RUFY2: variants seen among roughly 807,000 people sequenced by gnomAD.
The protein encoded by RUFY2 is RUN and FYVE domain containing 2.
Under a neutral mutation model 94.4 loss-of-function variants are expected in RUFY2, and 49 were observed. The ratio of observed to expected loss-of-function variants is 0.52; its 90% CI spans 0.41 to 0.66. The LOEUF (loss-of-function observed/expected upper bound fraction) is 0.66. RUFY2 is among the 30% of genes least tolerant of loss of function. The pLI is 0.00. For missense variants in RUFY2, 541 were observed against 692.8 expected (o/e 0.78, Z 2.46); for synonymous variants, 255 against 235.7 (o/e 1.08, Z -0.75).
chr10:68,401,301 T>C (rs1054405556), intron 3 of RUFY2, among the ~76,000 whole-genome samples: 2 of 152,176 alleles, frequency 1.3e-5, no homozygotes, highest in African/African-American at 2.4e-5. Flanking sequence ...ACTGACTTTC[T>C]ACTACAGGCA....
At chr10:68,347,094 C>A (rs2046329450) in intron 16 of RUFY2, among the ~76,000 whole-genome samples, 1 of 151,816 alleles carries the variant, frequency 6.6e-6, no homozygotes, top group African/African-American at 2.4e-5. Context: ...TGCCACTGCA[C>A]TCGAGCCTGA....
At chr10:68,385,099 T>C (rs2049383082) in intron 8 of RUFY2, among the ~76,000 whole-genome samples, 1 of 152,022 alleles carries the variant, frequency 6.6e-6, no homozygotes, top group South Asian at 2.1e-4. Context: ...CCGTCTCTAC[T>C]AAAAATACAA....
At chr10:68,341,285 A>T (rs1238023875), downstream of RUFY2, 1 of 1,601,536 alleles carries the variant, frequency 6.2e-7, no homozygotes, top group Admixed American at 1.8e-5. Flanking sequence ...AGTAGCTGCC[A>T]TGTCTAAAGA....
At chr10:68,349,738 C>T (rs1368139590) in intron 16 of RUFY2, among the ~76,000 whole-genome samples, 3 of 151,992 alleles carry the variant, frequency 2.0e-5, no homozygotes, top group Non-Finnish European at 2.9e-5. Flanking sequence ...CGGGGTTTCA[C>T]CGTGTTAGCC....
At chr10:68,390,174 C>T (rs76097581) in intron 7 of RUFY2, among the ~76,000 whole-genome samples, 4,354 of 152,130 alleles carry the variant, frequency 0.029, 208 homozygotes, top group African/African-American at 0.099. Flanking sequence ...ATATTTCCTA[C>T]GATTTCTATT....
At chr10:68,348,088 C>CT (rs771236268) in intron 16 of RUFY2, among the ~76,000 whole-genome samples, 1 of 151,560 alleles carries the variant, frequency 6.6e-6, no homozygotes, top group Non-Finnish European at 1.5e-5. Flanking sequence ...AAGCCTAACT[C>CT]TCCTTAGAAC....
intron 13 of RUFY2, among the ~76,000 whole-genome samples, chr10:68,376,489 T>TATATTC (rs58358117): frequency 0.037 from 1,902 of 51,704 alleles, 471 homozygotes; most frequent in Middle Eastern, 0.091. Context: ...TATATATATA[T>TATATTC]ATTCTCAGAA....
chr10:68,379,465 T>C lies in RUFY2; in HGVS notation c.1164A>G (p.Lys388=), dbSNP rs1256568611. 2 of 1,613,332 alleles carry C rather than the reference T, an allele frequency of 1.2e-6. No homozygotes were observed. Among genetic ancestry groups the C allele is most frequent in the Non-Finnish European group, 1.7e-6 (2 of 1,179,820 alleles). Residue 388 remains lysine, a synonymous_variant, in exon 12 of 18, where the codon AAA becomes AAG. Coordinates refer to ENST00000602465, the MANE Select transcript of RUFY2 (RefSeq NM_001330103.2). ...KNEIIARLEE[K]TNKITAAMRQ... is the part of the protein sequence containing the mutation. ...TCATGGCTGCAGTAATTTTATTGGT[T>C]TTTTCTTCTAGTCGGGCAATTATTT...
chr10:68,369,801 A>T (rs1391115049), intron 13 of RUFY2, among the ~76,000 whole-genome samples: 1 of 151,744 alleles, frequency 6.6e-6, no homozygotes, highest in East Asian at 1.9e-4. Context: ...AGCCAGTTTG[A>T]CTCTCGGTAC....
intron 10 of RUFY2, among the ~76,000 whole-genome samples, chr10:68,381,984 A>C (rs2049094602): frequency 6.6e-6 from 1 of 152,232 alleles, no homozygotes; most frequent in Non-Finnish European, 1.5e-5. Flanking sequence ...ATTTTCCTTA[A>C]ACAAAAGGAA....
At chr10:68,376,686 GTATTATTACAATTA>G (rs2048704093) in intron 13 of RUFY2, among the ~76,000 whole-genome samples, 153 bp downstream of exon 13, 1 of 150,832 alleles carries the variant, frequency 6.6e-6, no homozygotes, top group Non-Finnish European at 1.5e-5. Flanking sequence ...AAAAACATAA[GTATTATTACAATTA>G]TATTTTCTAA....
Position 68,407,083 on chromosome 10 carries a change from G to A in RUFY2, c.4+103C>T, listed in dbSNP as rs549572331. ...CTGGGTTCGGGCCCCAGTTCCGACT[G>A]GCGGCCTCGGCGTCTCCCCCAGCTC... On this transcript the variant is annotated intron_variant, in intron 1 of 17. Coordinates refer to ENST00000602465, the MANE Select transcript of RUFY2 (RefSeq NM_001330103.2). The A allele has an allele frequency of 3.8e-5, 57 of 1,495,014 alleles. No homozygotes were observed. The African/African-American group carries it at 7.6e-4, about 20-fold the overall frequency. 92.6% of individuals were successfully genotyped at this position (1,495,014 alleles called of 1,614,324 possible).
chr10:68,367,981 T>C (rs2047981095), intron 13 of RUFY2, among the ~76,000 whole-genome samples: 1 of 151,386 alleles, frequency 6.6e-6, no homozygotes. Flanking sequence ...TTTTTTTTTT[T>C]TTGAGACGGA....
intron 3 of RUFY2, among the ~76,000 whole-genome samples, chr10:68,400,433 T>C (rs2050728512): frequency 1.3e-5 from 2 of 151,920 alleles, no homozygotes; most frequent in Admixed American, 6.6e-5. Context: ...TCCCAGCACT[T>C]TGGGAGGCCA....
intron 15 of RUFY2, 151 bp downstream of exon 15, chr10:68,363,439 C>A (rs749568795): frequency 8.6e-6 from 4 of 463,124 alleles, no homozygotes; most frequent in South Asian, 5.2e-5. Context: ...CCAGGAATTA[C>A]AAAGTGCGGG....
rs531074291 is a variant in RUFY2 at position 68,382,583 on chromosome 10, G to A, written c.940-1184C>T. 1.5e-4 allele frequency among the ~76,000 whole-genome samples: 22 copies of A among 151,074 alleles called. No individual in the cohort carries two copies. The East Asian group carries it at 2.6e-3, about 18-fold the overall frequency. On this transcript the variant is annotated intron_variant, in intron 10 of 17. Transcript: ENST00000602465. ...CAAAAAATTAGCCGGGCGTGGTGGCGGGCGCCTATAGTCCCAGCTACTCGG... is the reference window on the plus strand; with the variant it reads ...CAAAAAATTAGCCGGGCGTGGTGGCAGGCGCCTATAGTCCCAGCTACTCGG...
chr10:68,369,404 G>A (rs2048089859), intron 13 of RUFY2, among the ~76,000 whole-genome samples: 1 of 151,028 alleles, frequency 6.6e-6, no homozygotes, highest in Non-Finnish European at 1.5e-5. Context: ...AGGATTGCCT[G>A]AACTGGGGAG....
intron 6 of RUFY2, among the ~76,000 whole-genome samples, chr10:68,393,612 C>T (rs2050162904): frequency 6.6e-6 from 1 of 151,874 alleles, no homozygotes; most frequent in Non-Finnish European, 1.5e-5. Flanking sequence ...GCCTGTAATT[C>T]CAGCTACTGG....
intron 7 of RUFY2, among the ~76,000 whole-genome samples, chr10:68,386,724 A>G (rs1210065780): frequency 6.6e-6 from 1 of 152,220 alleles, no homozygotes; most frequent in African/African-American, 2.4e-5. Flanking sequence ...AATTCGACAC[A>G]AAGATTACTA....
Sources: gnomAD v4.1 joint callset for allele counts (sites outside exome capture counted in the v4.1 genomes callset) on GRCh38, gnomAD v4.1.1 for gene constraint, MANE v1.5 for transcripts, NCBI Gene and HGNC (gene_info 2026-07-23, HGNC 2026-07-21) for gene names.